Variants in PRPSAP2 observed in about 807,000 individuals in gnomAD.
PRPSAP2 encodes the protein phosphoribosyl pyrophosphate synthetase associated protein 2.
A neutral mutation model predicts 40.6 loss-of-function variants in PRPSAP2; 24 were observed. The observed-to-expected ratio is 0.59, with a 90% CI of 0.43 to 0.83. The LOEUF is 0.83. Among genes scored for constraint, PRPSAP2 ranks in the 40% least tolerant of loss-of-function variants. The probability of loss-of-function intolerance (pLI) is 0.00; values close to 1 mark genes in which losing one functional copy is unlikely to be tolerated. For missense variants in PRPSAP2, 292 were observed against 465.6 expected, an observed-to-expected ratio of 0.63 and a Z score of 3.43; for synonymous variants, 149 against 164.7, an observed-to-expected ratio of 0.90 and a Z score of 0.73.
At chr17:18,910,402 C>T (rs145830721) in intron 8 of PRPSAP2, among the ~76,000 whole-genome samples, 125 of 151,862 alleles carry the variant, frequency 8.2e-4, no homozygotes, top group South Asian at 2.1e-3. Flanking sequence ...TCAGTCTGGG[C>T]GACAGAGCAA....
chr17:18,865,746 A>T lies in PRPSAP2; in HGVS notation c.-32-56A>T, dbSNP rs1009344984. 9.5e-6 allele frequency: 11 copies of T among 1,155,224 alleles called. No individual in the cohort carries two copies. The African/African-American group carries it at 1.1e-4, about 12-fold the overall frequency. The allele number at this position is 1,155,224 out of a possible 1,614,324, so 71.6% of individuals were successfully genotyped here. On this transcript the variant is annotated intron_variant, in intron 2 of 11. Coordinates refer to ENST00000268835, the MANE Select transcript of PRPSAP2 (RefSeq NM_002767.4). ...AAGTCATTTCCTTTAAAAAAAATTC[A>T]TTCAGGTATATTTCATATCATATGG...
At position 18,865,787 on chromosome 17, in the gene PRPSAP2, AT is replaced by A; in HGVS notation, c.-32-13del. 1 of 1,391,090 alleles carries A rather than the reference AT, an allele frequency of 7.2e-7. No homozygotes were observed. The highest frequency in any genetic ancestry group is 9.5e-7 in the Non-Finnish European group (1 of 1,054,840). 86.2% of individuals were successfully genotyped at this position (1,391,090 alleles called of 1,614,324 possible). The stretch of plus-strand genomic sequence containing the variant: ...TATCATATGGCAGTTTTTAATAAGT[AT>A]TATATCCTTCTAGGCTCTGAAAATT... On this transcript the variant is annotated splice_polypyrimidine_tract_variant and intron_variant, in intron 2 of 11. Coordinates refer to ENST00000268835, the MANE Select transcript of PRPSAP2 (RefSeq NM_002767.4).
intron 9 of PRPSAP2, among the ~76,000 whole-genome samples, chr17:18,921,355 G>C (rs1396932385): frequency 6.6e-6 from 1 of 152,146 alleles, no homozygotes; most frequent in East Asian, 1.9e-4. Flanking sequence ...TGATTTCCTA[G>C]AGGGTGATTC....
At chr17:18,897,203 C>T (rs865878072) in intron 8 of PRPSAP2, among the ~76,000 whole-genome samples, 64 of 152,150 alleles carry the variant, frequency 4.2e-4, no homozygotes, top group African/African-American at 1.5e-3. Context: ...AGTGATCTGC[C>T]CATCTCAGCC....
chr17:18,882,063 A>T (rs2038796317), intron 6 of PRPSAP2, among the ~76,000 whole-genome samples: 1 of 130,056 alleles, frequency 7.7e-6, no homozygotes, highest in Non-Finnish European at 1.6e-5. Flanking sequence ...CTGGCGTTGA[A>T]CTCCTGACCT....
rs2039420146 is a variant in PRPSAP2, at chr17:18,889,762, T to C, written c.529-60T>C. The C allele has an allele frequency of 6.7e-6, 9 of 1,352,004 alleles. No individual in the cohort carries two copies. The East Asian group carries it at 2.3e-4, about 34-fold the overall frequency. The allele number at this position is 1,352,004 out of a possible 1,614,324, so 83.8% of individuals were successfully genotyped here. ...TTTCAACTAGCCAAGCATTTTTGGG[T>C]CTGTTGGAATTTTCCTTTTTGTTGA... On this transcript the variant is annotated intron_variant, in intron 7 of 11. Coordinates refer to ENST00000268835, the MANE Select transcript of PRPSAP2 (RefSeq NM_002767.4).
chr17:18,891,708 A>G (rs901278545), intron 8 of PRPSAP2, among the ~76,000 whole-genome samples: 1 of 152,210 alleles, frequency 6.6e-6, no homozygotes, highest in Non-Finnish European at 1.5e-5. Flanking sequence ...CCAGAAGAAC[A>G]TCTAGTACCC....
At chr17:18,874,572 T>G (rs562215288) in intron 5 of PRPSAP2, among the ~76,000 whole-genome samples, 1 of 152,332 alleles carries the variant, frequency 6.6e-6, no homozygotes, top group African/African-American at 2.4e-5. Flanking sequence ...TTGCATCCTA[T>G]AGCCCTGGCA....
At position 18,865,934 on chromosome 17, in the gene PRPSAP2, T is replaced by C; in HGVS notation, c.101T>C (p.Leu34Pro). 2 of 1,467,936 alleles carry C rather than the reference T, an allele frequency of 1.4e-6. No individual in the cohort carries two copies. Among genetic ancestry groups the C allele is most frequent in the Non-Finnish European group, 1.8e-6 (2 of 1,094,102 alleles). The allele number at this position is 1,467,936 out of a possible 1,614,324, so 90.9% of individuals were successfully genotyped here. A position where few individuals can be genotyped will look rare whatever the true frequency, so the allele number is the denominator to read the frequency against. The change falls in exon 3 of 12, where the codon CTA (leucine) becomes CCA (proline). Residue 34 changes from leucine to proline, a missense_variant. Leu to Pro is a moderately conservative substitution (Grantham distance 98). This residue lies in a region of PRPSAP2 where 51 missense variants were observed against 40.0 expected (regional missense o/e 1.28). Coordinates refer to ENST00000268835, the MANE Select transcript of PRPSAP2 (RefSeq NM_002767.4). The stretch of plus-strand genomic sequence containing the variant: ...AACTCGAATTCATCATGTATGGAGC[T>C]ATCAAAGAAAATTGCAGAGTGAGTT... ...SANSNSSCME[L>P]SKKIAERLGV...
At chr17:18,882,476 A>G (rs1049968569) in intron 6 of PRPSAP2, 92 bp from the exon 7 acceptor site, 8 of 796,762 alleles carry the variant, frequency 1.0e-5, no homozygotes, top group African/African-American at 1.7e-5. Context: ...ATGCCACTGC[A>G]CTCCAGCCTG....
chr17:18,883,514 A>T (rs2038914522), intron 7 of PRPSAP2, among the ~76,000 whole-genome samples: 1 of 149,916 alleles, frequency 6.7e-6, no homozygotes, highest in Admixed American at 6.7e-5. Context: ...GCAATTCTCG[A>T]GTAGCTGGGA....
chr17:18,879,851 G>A (rs1263859700), intron 6 of PRPSAP2, among the ~76,000 whole-genome samples: 3 of 23,686 alleles, frequency 1.3e-4, no homozygotes, highest in Admixed American at 5.6e-4. Context: ...TGTAATCCCA[G>A]CACTTTGGGA....
intron 11 of PRPSAP2, among the ~76,000 whole-genome samples, chr17:18,929,285 G>C (rs576621892): frequency 1.3e-5 from 2 of 151,840 alleles, no homozygotes; most frequent in Non-Finnish European, 2.9e-5. Context: ...GGAACCCAGA[G>C]GGCAGTGGCT....
At chr17:18,885,514 C>T (rs1272753758) in intron 7 of PRPSAP2, among the ~76,000 whole-genome samples, 1 of 151,356 alleles carries the variant, frequency 6.6e-6, no homozygotes, top group Non-Finnish European at 1.5e-5. Context: ...CTCTGTCACT[C>T]AGGCTGGAGT....
At chr17:18,889,307 G>T (rs1228624546) in intron 7 of PRPSAP2, among the ~76,000 whole-genome samples, 1 of 152,138 alleles carries the variant, frequency 6.6e-6, no homozygotes, top group Non-Finnish European at 1.5e-5. Context: ...AAAATTCATT[G>T]GTGTAATTGT....
chr17:18,897,453 G>GTTGTTGTTGT (rs1555555755), intron 8 of PRPSAP2, among the ~76,000 whole-genome samples: 39,948 of 150,460 alleles, frequency 0.27, 6,146 homozygotes, highest in Non-Finnish European at 0.35. Flanking sequence ...CTCTATAGTG[G>GTTGTTGTTGT]TGTTGTTGTT....
chr17:18,928,922 G>A lies in PRPSAP2; in HGVS notation c.916G>A (p.Ala306Thr), dbSNP rs1276661755. 6 of 1,613,978 alleles carry A rather than the reference G, an allele frequency of 3.7e-6. No homozygotes were observed. Among genetic ancestry groups the A allele is most frequent in the South Asian group, 1.1e-5 (1 of 91,080 alleles). ...MATHGLLSSD[A>T]PRRIEESAID... ...AACTCATGGCTTGTTGTCTTCTGAC[G>A]CCCCCCGGCGGATTGAAGAGTCTGC... is the stretch of plus-strand genomic sequence containing the variant. The change falls in exon 11 of 12, where the codon GCC becomes ACC. Residue 306 changes from alanine (A) to threonine (T), a missense_variant. By Grantham distance (58) the Ala-to-Thr change is moderately conservative. This residue lies in a region of PRPSAP2 where 241 missense variants were observed against 425.7 expected (regional missense o/e 0.57). Transcript: ENST00000268835.
At chr17:18,884,843 C>T (rs2039013465) in intron 7 of PRPSAP2, among the ~76,000 whole-genome samples, 1 of 152,182 alleles carries the variant, frequency 6.6e-6, no homozygotes, top group African/African-American at 2.4e-5. Flanking sequence ...ATGTGGGTTG[C>T]TGTCGACATC....
chr17:18,878,575 G>T (rs2038475390), intron 6 of PRPSAP2, among the ~76,000 whole-genome samples: 2 of 151,998 alleles, frequency 1.3e-5, no homozygotes, highest in African/African-American at 4.8e-5. Context: ...TATTTATTTT[G>T]AGATGGAGTT....
Sources: allele counts gnomAD v4.1 joint callset (sites outside exome capture counted in the v4.1 genomes callset), GRCh38; gene constraint gnomAD v4.1.1; regional missense constraint gnomAD v4.1.1; transcripts MANE v1.5; gene names NCBI Gene and HGNC (gene_info 2026-07-23, HGNC 2026-07-21).